Variants in SMARCAD1 observed in about 807,000 individuals in gnomAD.
The protein encoded by SMARCAD1 is SWI/SNF-related matrix-associated actin-dependent regulator of chromatin subfamily A containing DEAD/H box 1.
SMARCAD1 carries 25 observed loss-of-function variants against 127.1 expected under a neutral mutation model. The ratio of observed to expected loss-of-function variants is 0.20; its 90% CI spans 0.14 to 0.27. The LOEUF is 0.27. Among genes scored for constraint, SMARCAD1 ranks in the 10% least tolerant of loss-of-function variants. SMARCAD1 has a pLI of 1.00. For synonymous variants in SMARCAD1, 400 were observed against 396.9 expected, an observed-to-expected ratio of 1.01 and a Z score of -0.09; for missense variants, 807 against 1,206.0, an observed-to-expected ratio of 0.67 and a Z score of 4.90.
chr4:94,256,149 A>G (rs1391747246), intron 9 of SMARCAD1, among the ~76,000 whole-genome samples: 1 of 152,174 alleles, frequency 6.6e-6, no homozygotes, highest in Non-Finnish European at 1.5e-5. Context: ...TGTTAATCAG[A>G]GTAGTAATGT....
At chr4:94,222,005 A>G (rs555554618) in intron 2 of SMARCAD1, among the ~76,000 whole-genome samples, 1 of 152,202 alleles carries the variant, frequency 6.6e-6, no homozygotes, top group Non-Finnish European at 1.5e-5. Flanking sequence ...CTGGTGGAAG[A>G]TAAGTGTTAC....
At chr4:94,279,198 G>C (rs558241669) in intron 19 of SMARCAD1, 148 bp downstream of exon 19, 23 of 993,632 alleles carry the variant, frequency 2.3e-5, no homozygotes, top group Admixed American at 4.8e-5. Flanking sequence ...TGGTTCTGTT[G>C]CCAAGGCAGG....
At chr4:94,249,614 T>G in intron 6 of SMARCAD1, 40 bp from the exon 7 acceptor site, 1 of 1,031,034 alleles carries the variant, frequency 9.7e-7, no homozygotes, top group East Asian at 2.4e-5. Context: ...TTGTTATTGA[T>G]ATCTCTTAAA....
In SMARCAD1 at chr4:94,211,131, G is replaced by C. The variant is rs558285857; in HGVS notation, c.190+2547G>C. Among the ~76,000 whole-genome samples the C allele has an allele frequency of 2.6e-5, 4 of 152,034 alleles. No homozygotes were observed. In the East Asian group the frequency reaches 7.7e-4, roughly 29 times the overall value. ...CTACTAAAAATATAAAATTAGCTGG[G>C]CATGGTGGTACATGCCTGTAATCCC... On this transcript the variant is annotated intron_variant, in intron 2 of 23. Transcript: ENST00000354268.
chr4:94,248,489 G>C (rs2125907528), intron 6 of SMARCAD1: 1 of 456,096 alleles, frequency 2.2e-6, no homozygotes, highest in Non-Finnish European at 4.4e-6. Context: ...AGTGTGCCTG[G>C]GCTGTAAAGG....
intron 8 of SMARCAD1, 48 bp downstream of exon 8, chr4:94,250,881 T>C (rs1281820698): frequency 1.4e-6 from 2 of 1,395,658 alleles, no homozygotes; most frequent in East Asian, 4.6e-5. Flanking sequence ...TTATAGTCTG[T>C]ATTTTAGTAT....
At chr4:94,269,493 GT>G (rs75891233) in intron 10 of SMARCAD1, among the ~76,000 whole-genome samples, 17,748 of 139,108 alleles carry the variant, frequency 0.13, 1,607 homozygotes, top group African/African-American at 0.24. Context: ...GGCAAATTAA[GT>G]TTTTTTTTTT....
chr4:94,236,863 A>G (rs1361780261), intron 4 of SMARCAD1, 89 bp from the exon 5 acceptor site: 4 of 1,029,034 alleles, frequency 3.9e-6, no homozygotes, highest in African/African-American at 3.2e-5. Flanking sequence ...TCATGTTTAT[A>G]TTTAATATGT....
chr4:94,280,543 TATTA>T lies in SMARCAD1; in HGVS notation c.2419-44_2419-41del, dbSNP rs748661374. Reference sequence around the variant, plus strand: ...TTTTATTAAACTTTTCTCATCATATTATTAATTATTTTTATTTTGAAGTATACTG... The same window carrying T: ...TTTTATTAAACTTTTCTCATCATATTATTATTTTTATTTTGAAGTATACTG... On this transcript the variant is annotated intron_variant, in intron 19 of 23. Transcript: ENST00000354268. The T allele has an allele frequency of 3.0e-5, 45 of 1,489,956 alleles. 1 individual carries two copies. Among genetic ancestry groups the T allele is most frequent in the East Asian group, 1.6e-4 (7 of 43,416 alleles). 92.3% of individuals were successfully genotyped at this position (1,489,956 alleles called of 1,614,324 possible).
intron 2 of SMARCAD1, among the ~76,000 whole-genome samples, chr4:94,212,679 G>T (rs1248036372): frequency 6.6e-6 from 1 of 151,374 alleles, no homozygotes; most frequent in Non-Finnish European, 1.5e-5. Flanking sequence ...TAGAGACAGG[G>T]TTTCACCATG....
At chr4:94,245,760 CT>C (rs1560535283) in intron 6 of SMARCAD1, among the ~76,000 whole-genome samples, 1 of 152,170 alleles carries the variant, frequency 6.6e-6, no homozygotes, top group African/African-American at 2.4e-5. Context: ...ATTGCCTTCT[CT>C]TTTTATATGT....
intron 2 of SMARCAD1, among the ~76,000 whole-genome samples, chr4:94,212,311 A>G (rs1742398704): frequency 6.6e-6 from 1 of 151,498 alleles, no homozygotes; most frequent in African/African-American, 2.4e-5. Flanking sequence ...AGGAGCTGCG[A>G]CTACAGGCTC....
At chr4:94,269,582 G>A (rs943853747) in intron 10 of SMARCAD1, among the ~76,000 whole-genome samples, 3 of 151,506 alleles carry the variant, frequency 2.0e-5, no homozygotes, top group Admixed American at 6.6e-5. Context: ...TTTGAAAAAT[G>A]ATATCTGTGC....
chr4:94,275,796 CTTTT>C (rs535710589), intron 14 of SMARCAD1, among the ~76,000 whole-genome samples: 3 of 85,408 alleles, frequency 3.5e-5, no homozygotes. Flanking sequence ...TTAACATTTT[CTTTT>C]TTTTTTTTTT....
At position 94,208,083 on chromosome 4, in the gene SMARCAD1, T is replaced by G; in HGVS notation, c.-50+13T>G. ...TGCGCGTGCTTGGGTAAGAGGAGGTTGCATGAGGGTCAGCTCGTGGTTTCA... is the reference window on the plus strand; with the variant it reads ...TGCGCGTGCTTGGGTAAGAGGAGGTGGCATGAGGGTCAGCTCGTGGTTTCA... On this transcript the variant is annotated intron_variant, in intron 1 of 23. Coordinates refer to ENST00000354268, the MANE Select transcript of SMARCAD1 (RefSeq NM_020159.5). The G allele has an allele frequency of 1.9e-6, 1 of 518,396 alleles. No homozygotes were observed. The highest frequency in any genetic ancestry group is 3.7e-6 in the Non-Finnish European group (1 of 269,948). 32.1% of individuals were successfully genotyped at this position (518,396 alleles called of 1,614,324 possible). A position where few individuals can be genotyped will look rare whatever the true frequency, so the allele number is the denominator to read the frequency against.
intron 21 of SMARCAD1, 129 bp from the exon 22 acceptor site, chr4:94,282,985 GAGGAGAA>G: frequency 1.4e-6 from 1 of 713,914 alleles, no homozygotes; most frequent in Non-Finnish European, 2.3e-6. Flanking sequence ...GATATAGCCA[GAGGAGAA>G]ATAACTGCAA....
chr4:94,266,185 T>G (rs1407585238), intron 10 of SMARCAD1, among the ~76,000 whole-genome samples: 3 of 152,116 alleles, frequency 2.0e-5, no homozygotes, highest in Non-Finnish European at 2.9e-5. Flanking sequence ...AGCTGCTGCT[T>G]CTTGTTCTCC....
At chr4:94,285,766 G>A (rs576195517) in intron 23 of SMARCAD1, among the ~76,000 whole-genome samples, 5 of 152,174 alleles carry the variant, frequency 3.3e-5, no homozygotes, top group African/African-American at 1.2e-4. Context: ...GGGCGGTAGA[G>A]AAAGTTTGAG....
At chr4:94,269,307 T>C (rs1752191605) in intron 10 of SMARCAD1, among the ~76,000 whole-genome samples, 1 of 152,156 alleles carries the variant, frequency 6.6e-6, no homozygotes, top group Admixed American at 6.6e-5. Flanking sequence ...AAACAGGATA[T>C]ATGCAAGAGG....
Sources: gnomAD v4.1 joint callset for allele counts (sites outside exome capture counted in the v4.1 genomes callset) on GRCh38, gnomAD v4.1.1 for gene constraint, MANE v1.5 for transcripts, NCBI Gene and HGNC (gene_info 2026-07-23, HGNC 2026-07-21) for gene names.